Variants in GLRX2 observed in about 807,000 individuals in gnomAD.
The protein encoded by GLRX2 is glutaredoxin 2, also known as bA101E13.1 (GRX2 glutaredoxin (thioltransferase) 2).
Under a neutral mutation model 16.4 loss-of-function variants are expected in GLRX2, and 12 were observed. The ratio of observed to expected loss-of-function variants is 0.73; its 90% CI spans 0.47 to 1.19. The LOEUF is 1.19. Ranked by LOEUF, GLRX2 falls within the 50% of genes most tolerant of loss-of-function variation. The pLI is 0.00. For synonymous variants in GLRX2, 95 were observed against 76.2 expected, an observed-to-expected ratio of 1.25 and a Z score of -1.28; for missense variants, 201 against 201.8, an observed-to-expected ratio of 1.00 and a Z score of 0.02.
intron 2 of GLRX2, among the ~76,000 whole-genome samples, chr1:193,100,223 C>A (rs1675046276): frequency 6.6e-6 from 1 of 152,144 alleles, no homozygotes. Context: ...GCTTGTAATC[C>A]CAGCACTTTG....
chr1:193,103,946 A>G (rs1675130450), intron 1 of GLRX2, among the ~76,000 whole-genome samples: 1 of 152,186 alleles, frequency 6.6e-6, no homozygotes, highest in Admixed American at 6.5e-5. Context: ...TAAACCAGAA[A>G]AGGTTAGGCA....
chr1:193,105,458 C>T (rs1040484958), upstream of GLRX2: 23 of 1,452,148 alleles, frequency 1.6e-5, no homozygotes, highest in Admixed American at 2.6e-5. Context: ...TCCGGCCCGG[C>T]CCCCGCCTTG....
At chr1:193,102,005 T>C (rs891796827) in intron 1 of GLRX2, among the ~76,000 whole-genome samples, 8 of 152,172 alleles carry the variant, frequency 5.3e-5, no homozygotes, top group African/African-American at 1.9e-4. Flanking sequence ...AACCAGGCCC[T>C]ACCGCACTGT....
In GLRX2 at chr1:193,097,566, C is replaced by A. The variant is rs1323426280; in HGVS notation, c.360+18G>T. On this transcript the variant is annotated intron_variant, in intron 3 of 3. Transcript: ENST00000367439. ...ACAACCTATTAAAGAGGAACAGCAC[C>A]ACAGAGGATATACTCACAGTTCTTT... 1 of 1,581,488 alleles carries A rather than the reference C, an allele frequency of 6.3e-7. No individual in the cohort carries two copies. Among genetic ancestry groups the A allele is most frequent in the Admixed American group, 1.8e-5 (1 of 54,676 alleles).
At chr1:193,097,844 T>C in intron 2 of GLRX2, 84 bp from the exon 3 acceptor site, 1 of 958,082 alleles carries the variant, frequency 1.0e-6, no homozygotes, top group Non-Finnish European at 1.5e-6. Context: ...AGGGTATGGA[T>C]TTTGGTCTCT....
In GLRX2 at chr1:193,105,254, GA is replaced by G. The variant is rs1395791246; in HGVS notation, c.119+9del. 3.3e-6 allele frequency: 5 copies of G among 1,534,582 alleles called. No individual in the cohort carries two copies. The highest frequency in any genetic ancestry group is 4.3e-6 in the Non-Finnish European group (5 of 1,149,994). On this transcript the variant is annotated intron_variant, in intron 1 of 3. Coordinates refer to ENST00000367439, the MANE Select transcript of GLRX2 (RefSeq NM_197962.3). Reference sequence around the variant, plus strand: ...CCACGCCGCGGCACTCCTGCCCGCTGACCCCGTACCCAGAGGCCGCAGCTGC... The same window carrying G: ...CCACGCCGCGGCACTCCTGCCCGCTGCCCCGTACCCAGAGGCCGCAGCTGC...
Position 193,105,358 on chromosome 1 carries a change from C to A in GLRX2, c.25G>T (p.Ala9Ser). The change falls in exon 1 of 4, where the codon GCG (alanine) becomes TCG (serine). Residue 9 changes from alanine to serine, a missense_variant. Coordinates refer to ENST00000367439, the MANE Select transcript of GLRX2 (RefSeq NM_197962.3). ...CTGCTCCAAACCAGCCGCGTCCCCGCCAGCGCCGCGCGGCGCCAAATCATG... is the reference window on the plus strand; with the variant it reads ...CTGCTCCAAACCAGCCGCGTCCCCGACAGCGCCGCGCGGCGCCAAATCATG... Reference protein sequence around the residue: MIWRRAALAGTRLVWSRSG... With the variant: MIWRRAALSGTRLVWSRSG... The A allele has an allele frequency of 6.5e-7, 1 of 1,549,104 alleles. No homozygotes were observed. The highest frequency in any genetic ancestry group is 8.6e-7 in the Non-Finnish European group (1 of 1,158,196).
upstream of GLRX2, chr1:193,105,962 G>C: frequency 2.0e-6 from 2 of 999,256 alleles, no homozygotes; most frequent in Non-Finnish European, 2.4e-6. Context: ...CTCCAAAGAA[G>C]ACAAAGATTA....
chr1:193,101,228 T>G (rs1250762780), intron 1 of GLRX2, 24 bp from the exon 2 acceptor site: 1 of 1,427,076 alleles, frequency 7.0e-7, no homozygotes, highest in South Asian at 1.2e-5. Flanking sequence ...AAGAGAACAA[T>G]GTAGTTTATT....
intron 2 of GLRX2, among the ~76,000 whole-genome samples, chr1:193,098,120 C>G (rs987565517): frequency 7.9e-5 from 12 of 152,184 alleles, no homozygotes; most frequent in Non-Finnish European, 1.6e-4. Flanking sequence ...CCCCACTTCA[C>G]AGTTGAGGAA....
intron 1 of GLRX2, among the ~76,000 whole-genome samples, chr1:193,101,469 A>G (rs1348960082): frequency 6.6e-6 from 1 of 152,236 alleles, no homozygotes; most frequent in Non-Finnish European, 1.5e-5. Flanking sequence ...AAAGCTTGAC[A>G]CACTCTTATT....
At chr1:193,104,291 A>G (rs1675139287) in intron 1 of GLRX2, among the ~76,000 whole-genome samples, 2 of 152,166 alleles carry the variant, frequency 1.3e-5, no homozygotes, top group Non-Finnish European at 2.9e-5. Context: ...AGTGCACAAT[A>G]AACATTTCAT....
At chr1:193,104,747 T>A (rs1223621085) in intron 1 of GLRX2, among the ~76,000 whole-genome samples, 1 of 152,242 alleles carries the variant, frequency 6.6e-6, no homozygotes, top group African/African-American at 2.4e-5. Flanking sequence ...GGCATCACCA[T>A]CAGTCAGCCT....
chr1:193,100,382 G>C (rs566054818), intron 2 of GLRX2, among the ~76,000 whole-genome samples: 277 of 152,326 alleles, frequency 1.8e-3, no homozygotes, highest in Non-Finnish European at 2.9e-3. Flanking sequence ...GCTGAGGCAG[G>C]AGAATTGCTT....
rs1674988073 is a variant in GLRX2, at chr1:193,097,711, G to T, written c.233C>A (p.Ser78Tyr). The change falls in exon 3 of 4, where the codon TCT (serine) becomes TAT (tyrosine). Residue 78 changes from serine (S) to tyrosine (Y), a missense_variant. By Grantham distance (144) the Ser-to-Tyr change is moderately radical. Coordinates refer to ENST00000367439, the MANE Select transcript of GLRX2 (RefSeq NM_197962.3). ...CVVIFSKTSC[S>Y]YCTMAKKLFH... ...AAGCTTTTTTGCCATTGTACAGTAAGAACAGGATGTTTTTGAGAAAATCAC... is the reference window on the plus strand; with the variant it reads ...AAGCTTTTTTGCCATTGTACAGTAATAACAGGATGTTTTTGAGAAAATCAC... 1 of 1,603,408 alleles carries T rather than the reference G, an allele frequency of 6.2e-7. No homozygotes were observed. The highest frequency in any genetic ancestry group is 1.3e-5 in the African/African-American group (1 of 74,366).
rs892354389 is a variant in GLRX2 at position 193,103,844 on chromosome 1, G to A, written c.119+1420C>T. Among the ~76,000 whole-genome samples the A allele has an allele frequency of 5.9e-5, 9 of 152,160 alleles. 1 individual carries two copies. The highest frequency in any genetic ancestry group is 7.4e-5 in the Non-Finnish European group (5 of 68,024). On this transcript the variant is annotated intron_variant, in intron 1 of 3. Coordinates refer to ENST00000367439, the MANE Select transcript of GLRX2 (RefSeq NM_197962.3). ...AAAAAGTCCTGTGCGCTTAACTCAG[G>A]AAGGAGTTAAGGGTAGCGAGCTAGG... is the stretch of plus-strand genomic sequence containing the variant.
chr1:193,105,229 C>T (rs767739251), intron 1 of GLRX2, 35 bp downstream of exon 1: 1 of 1,531,112 alleles, frequency 6.5e-7, no homozygotes, highest in Non-Finnish European at 8.7e-7. Context: ...GGCCTGCGCA[C>T]CACGCCGCGG....
chr1:193,104,871 C>A lies in GLRX2; in HGVS notation c.119+393G>T, dbSNP rs575790219. ...ACGCCCGGTCAAATTAGAATTGTAA[C>A]CAAACACCAGAAAACTGTTCCGTTT... On this transcript the variant is annotated intron_variant, in intron 1 of 3. Transcript: ENST00000367439. 1.1e-3 allele frequency among the ~76,000 whole-genome samples: 175 copies of A among 152,378 alleles called. 2 individuals carry two copies. The highest frequency in any genetic ancestry group is 1.3e-4 in the Non-Finnish European group (9 of 68,048).
chr1:193,103,223 G>A (rs1307306465), intron 1 of GLRX2, among the ~76,000 whole-genome samples: 2 of 152,114 alleles, frequency 1.3e-5, no homozygotes, highest in Admixed American at 6.6e-5. Context: ...TGGTAAGAAC[G>A]GATCTTCTAT....
Sources: gnomAD v4.1 joint callset for allele counts (sites outside exome capture counted in the v4.1 genomes callset) on GRCh38, gnomAD v4.1.1 for gene constraint, MANE v1.5 for transcripts, NCBI Gene and HGNC (gene_info 2026-07-23, HGNC 2026-07-21) for gene names.